GRIA1: variants seen among roughly 807,000 people sequenced by gnomAD.
The protein encoded by GRIA1 is glutamate ionotropic receptor AMPA type subunit 1.
In GRIA1, 31 loss-of-function variants were observed where a neutral mutation model predicts 99.2. That is an observed-to-expected ratio of 0.31 (90% CI 0.23 to 0.42). GRIA1 has a LOEUF of 0.42. Ranked by LOEUF, GRIA1 falls within the 10% of genes least tolerant of loss-of-function variation. The pLI, the probability that GRIA1 is intolerant of heterozygous loss-of-function variation, is 1.00. For missense variants in GRIA1, 782 were observed against 1,157.5 expected (o/e 0.68, Z 4.71); for synonymous variants, 438 against 432.4 (o/e 1.01, Z -0.16).
At chr5:153,655,674 T>A (rs1031428688) in intron 4 of GRIA1, 145 bp from the exon 5 acceptor site, 1 of 666,126 alleles carries the variant, frequency 1.5e-6, no homozygotes, top group Non-Finnish European at 2.7e-6. Context: ...AATGCCACCA[T>A]CATTGGATGG....
rs537319094 is a variant in GRIA1 at position 153,619,573 on chromosome 5, A to G, written c.221-27355A>G. 1.4e-4 allele frequency among the ~76,000 whole-genome samples: 22 copies of G among 152,298 alleles called. 1 individual carries two copies. The highest frequency in any genetic ancestry group is 3.4e-3 in the Middle Eastern group (1 of 294). ...ATCCACATAATGGAAGGCATGGGGT[A>G]GGGTGAGCCAAATGGAAGGCTTATA... is the stretch of plus-strand genomic sequence containing the variant. On this transcript the variant is annotated intron_variant, in intron 2 of 15. Transcript: ENST00000285900.
intron 2 of GRIA1, among the ~76,000 whole-genome samples, chr5:153,571,548 A>G (rs1055649787): frequency 6.6e-6 from 1 of 152,178 alleles, no homozygotes; most frequent in African/African-American, 2.4e-5. Flanking sequence ...TCAACCACCT[A>G]AAAATGTTAA....
At chr5:153,642,563 C>G (rs1243822526) in intron 2 of GRIA1, among the ~76,000 whole-genome samples, 1 of 151,074 alleles carries the variant, frequency 6.6e-6, no homozygotes, top group Non-Finnish European at 1.5e-5. Context: ...CTCAACTCTA[C>G]AGTTTGGAGC....
At chr5:153,693,889 G>A (rs926229531) in intron 8 of GRIA1, among the ~76,000 whole-genome samples, 4 of 152,304 alleles carry the variant, frequency 2.6e-5, no homozygotes, top group African/African-American at 7.2e-5. Flanking sequence ...AAAGTGCAAT[G>A]TCTGTTCAAA....
intron 11 of GRIA1, among the ~76,000 whole-genome samples, chr5:153,749,448 T>C (rs1013713438): frequency 2.0e-5 from 3 of 152,150 alleles, no homozygotes; most frequent in African/African-American, 7.2e-5. Context: ...CATCTGCTTC[T>C]GATGAGGGCC....
At chr5:153,685,440 A>G (rs1300772993) in intron 7 of GRIA1, among the ~76,000 whole-genome samples, 2 of 152,248 alleles carry the variant, frequency 1.3e-5, no homozygotes, top group Non-Finnish European at 2.9e-5. Context: ...CTCATGCGGC[A>G]TATTTGAGGG....
chr5:153,493,904 A>G (rs1754164337), intron 1 of GRIA1, 24 bp from the exon 2 acceptor site: 2 of 1,613,390 alleles, frequency 1.2e-6, no homozygotes, highest in Non-Finnish European at 1.7e-6. Context: ...CCCATATACC[A>G]TGTTGCATTT....
intron 2 of GRIA1, among the ~76,000 whole-genome samples, chr5:153,606,236 A>G (rs894665418): frequency 1.3e-5 from 2 of 152,152 alleles, no homozygotes; most frequent in Non-Finnish European, 2.9e-5. Context: ...TCATAAATCA[A>G]GTGACCAAGT....
chr5:153,663,890 C>T (rs1201987453), intron 5 of GRIA1, among the ~76,000 whole-genome samples: 4 of 152,186 alleles, frequency 2.6e-5, no homozygotes, highest in Non-Finnish European at 4.4e-5. Flanking sequence ...GTGTATCTTT[C>T]GATCTTGCAA....
chr5:153,673,941 G>A (rs762939061), intron 5 of GRIA1, among the ~76,000 whole-genome samples: 3 of 152,146 alleles, frequency 2.0e-5, no homozygotes, highest in Non-Finnish European at 4.4e-5. Flanking sequence ...GATGGAGACT[G>A]GGATCAGAAC....
intron 11 of GRIA1, among the ~76,000 whole-genome samples, chr5:153,744,808 C>T (rs950801462): frequency 6.6e-6 from 1 of 152,016 alleles, no homozygotes; most frequent in African/African-American, 2.4e-5. Flanking sequence ...ATATAAAATC[C>T]TTTAATGATT....
intron 9 of GRIA1, 78 bp from the exon 10 acceptor site, chr5:153,698,786 ATAT>A (rs1758303843): frequency 1.1e-6 from 1 of 879,674 alleles, no homozygotes; most frequent in Non-Finnish European, 1.9e-6. Flanking sequence ...ACCAAACATG[ATAT>A]TATGCTATGC....
At chr5:153,556,885 C>T (rs1447948470) in intron 2 of GRIA1, among the ~76,000 whole-genome samples, 1 of 152,122 alleles carries the variant, frequency 6.6e-6, no homozygotes, top group Non-Finnish European at 1.5e-5. Flanking sequence ...GTGTTACTTA[C>T]ACAAATCTAA....
intron 2 of GRIA1, among the ~76,000 whole-genome samples, chr5:153,629,929 T>C (rs1422884): frequency 0.69 from 104,770 of 152,076 alleles, 36,403 homozygotes; most frequent in East Asian, 0.79. Flanking sequence ...TATGTTGAAT[T>C]GATAAATTTA....
Position 153,763,744 on chromosome 5 carries a change from G to C in GRIA1, c.1824-690G>C, listed in dbSNP as rs1457180294. 2.0e-5 allele frequency among the ~76,000 whole-genome samples: 3 copies of C among 152,192 alleles called. No individual in the cohort carries two copies. The East Asian group carries it at 5.8e-4, about 29-fold the overall frequency. On this transcript the variant is annotated intron_variant, in intron 11 of 15. Transcript: ENST00000285900. ...AGAGAGGGGAATAGCAATCTGAAAA[G>C]TTCAAAGATAAATTTCTCACCTCAT... is the stretch of plus-strand genomic sequence containing the variant.
At chr5:153,714,250 C>T (rs537757653) in intron 11 of GRIA1, among the ~76,000 whole-genome samples, 41 of 152,212 alleles carry the variant, frequency 2.7e-4, no homozygotes, top group African/African-American at 8.9e-4. Context: ...TCAGCTTGTA[C>T]GCCACCAGTT....
chr5:153,706,322 T>TG (rs35924323), intron 11 of GRIA1: 37,398 of 512,792 alleles, frequency 0.073, 1,701 homozygotes, highest in African/African-American at 0.13. Context: ...TTATGACTGA[T>TG]GCGTTGTAGC....
intron 5 of GRIA1, among the ~76,000 whole-genome samples, chr5:153,672,373 G>A (rs948723000): frequency 8.5e-5 from 13 of 152,284 alleles, no homozygotes; most frequent in East Asian, 1.9e-4. Context: ...GAGTGGAAGC[G>A]AACAGGATGC....
intron 5 of GRIA1, among the ~76,000 whole-genome samples, chr5:153,658,110 A>G (rs1476293764): frequency 6.6e-6 from 1 of 152,178 alleles, no homozygotes; most frequent in African/African-American, 2.4e-5. Context: ...TAGGCCTGTC[A>G]CCAAGGGTAG....
Sources: gnomAD v4.1 joint callset for allele counts (sites outside exome capture counted in the v4.1 genomes callset) on GRCh38, gnomAD v4.1.1 for gene constraint, MANE v1.5 for transcripts, NCBI Gene and HGNC (gene_info 2026-07-23, HGNC 2026-07-21) for gene names.